Variants in LPP observed in about 807,000 individuals in gnomAD.
The protein encoded by LPP is LIM domain containing preferred translocation partner in lipoma.
In LPP, 38 loss-of-function variants were observed where a neutral mutation model predicts 60.4. That is an observed-to-expected ratio of 0.63 (90% confidence interval 0.49 to 0.83). The LOEUF (loss-of-function observed/expected upper bound fraction) is 0.83, where lower values mean the gene tolerates loss of function less well. Ranked by LOEUF, LPP falls within the 40% of genes least tolerant of loss-of-function variation. The pLI is 0.00. For synonymous variants in LPP, 328 were observed against 290.8 expected, an observed-to-expected ratio of 1.13 and a Z score of -1.30; for missense variants, 902 against 783.6, an observed-to-expected ratio of 1.15 and a Z score of -1.80.
At chr3:188,480,457 C>A (rs1185486914) in intron 4 of LPP, among the ~76,000 whole-genome samples, 2 of 152,140 alleles carry the variant, frequency 1.3e-5, no homozygotes, top group African/African-American at 4.8e-5. Flanking sequence ...TTTGAATAAA[C>A]CATTTTACAT....
rs925239905 is a variant in LPP, at chr3:188,602,051, G to A, written c.430-7110G>A. On this transcript the variant is annotated intron_variant, in intron 6 of 11. Transcript: ENST00000617246. ...CCACTGCACTCCAGCCTGGGTGACA[G>A]AGCAAGACTCTATCTCAAATATATA... Among the ~76,000 whole-genome samples the A allele has an allele frequency of 4.3e-5, 6 of 138,168 alleles. No individual in the cohort carries two copies. The South Asian group carries it at 1.4e-3, about 33-fold the overall frequency. 90.6% of individuals were successfully genotyped at this position (138,168 alleles called of 152,430 possible).
intron 4 of LPP, among the ~76,000 whole-genome samples, chr3:188,475,719 A>G (rs899690277): frequency 6.6e-6 from 1 of 152,028 alleles, no homozygotes; most frequent in African/African-American, 2.4e-5. Flanking sequence ...TGGCTAAAAC[A>G]GTGAAACCCC....
intron 7 of LPP, among the ~76,000 whole-genome samples, chr3:188,686,889 A>G (rs1345257274): frequency 6.6e-6 from 1 of 152,218 alleles, no homozygotes; most frequent in Non-Finnish European, 1.5e-5. Flanking sequence ...GAAGACCTTG[A>G]TATCAAGGAT....
At chr3:188,710,868 C>T (rs1320575411) in intron 8 of LPP, 2 of 152,178 alleles carry the variant, frequency 1.3e-5, no homozygotes, top group African/African-American at 2.4e-5. Context: ...TGTCCAAGCT[C>T]TACTACTTAG....
At chr3:188,570,259 C>G (rs1044073010) in intron 6 of LPP, among the ~76,000 whole-genome samples, 6 of 151,928 alleles carry the variant, frequency 3.9e-5, no homozygotes, top group African/African-American at 1.5e-4. Flanking sequence ...GGCACATAGA[C>G]AAACTATTAA....
intron 8 of LPP, among the ~76,000 whole-genome samples, chr3:188,750,440 G>A (rs62291301): frequency 0.2 from 30,590 of 152,018 alleles, 3,781 homozygotes; most frequent in Middle Eastern, 0.42. Context: ...AGACTAGCCT[G>A]GCCAACATGG....
At chr3:188,614,487 T>C (rs1012454743) in intron 7 of LPP, among the ~76,000 whole-genome samples, 1 of 152,146 alleles carries the variant, frequency 6.6e-6, no homozygotes, top group African/African-American at 2.4e-5. Context: ...GACTGTAATA[T>C]TAGTAATTCC....
intron 6 of LPP, among the ~76,000 whole-genome samples, chr3:188,532,804 T>C (rs1822553554): frequency 6.6e-6 from 1 of 152,230 alleles, no homozygotes; most frequent in Admixed American, 6.5e-5. Context: ...GCTCACACAG[T>C]CATTCCCATT....
At chr3:188,647,316 G>C (rs1851288642) in intron 7 of LPP, among the ~76,000 whole-genome samples, 1 of 152,160 alleles carries the variant, frequency 6.6e-6, no homozygotes, top group African/African-American at 2.4e-5. Flanking sequence ...AAGAGCGTCT[G>C]CTGCGGTGCC....
At chr3:188,588,614 A>G (rs1344385157) in intron 6 of LPP, among the ~76,000 whole-genome samples, 6 of 152,228 alleles carry the variant, frequency 3.9e-5, no homozygotes, top group Admixed American at 3.9e-4. Context: ...CATCTACAAA[A>G]TGAGGATAAT....
At chr3:188,801,182 C>A (rs1018714773) in intron 9 of LPP, among the ~76,000 whole-genome samples, 2 of 152,088 alleles carry the variant, frequency 1.3e-5, no homozygotes, top group African/African-American at 2.4e-5. Context: ...AATGAAGAGC[C>A]CTAGATTTTG....
chr3:188,581,719 T>C (rs541244784), intron 6 of LPP, among the ~76,000 whole-genome samples: 1 of 152,270 alleles, frequency 6.6e-6, no homozygotes, highest in South Asian at 2.1e-4. Flanking sequence ...ATTGCTTCGC[T>C]CTATTTTACC....
intron 2 of LPP, among the ~76,000 whole-genome samples, chr3:188,253,453 A>C (rs1730630794): frequency 6.6e-6 from 1 of 152,044 alleles, no homozygotes; most frequent in African/African-American, 2.4e-5. Context: ...ACTTTTTTCC[A>C]AATGGTTATC....
intron 6 of LPP, among the ~76,000 whole-genome samples, chr3:188,539,409 G>A (rs879057021): frequency 1.3e-5 from 2 of 152,188 alleles, no homozygotes; most frequent in Non-Finnish European, 2.9e-5. Context: ...TGGATAGGGA[G>A]TATTTGCAAG....
intron 7 of LPP, among the ~76,000 whole-genome samples, chr3:188,675,447 T>C (rs1461482055): frequency 1.3e-5 from 2 of 152,216 alleles, no homozygotes; most frequent in Non-Finnish European, 2.9e-5. Flanking sequence ...GGGCTAAGAC[T>C]GTGAATAGCT....
intron 1 of LPP, among the ~76,000 whole-genome samples, chr3:188,188,036 A>G (rs1327505969): frequency 2.0e-5 from 3 of 152,182 alleles, no homozygotes; most frequent in East Asian, 1.9e-4. Context: ...ATATTGTTGA[A>G]TGGGAGTTAT....
chr3:188,728,340 T>G (rs1719177374), intron 8 of LPP, among the ~76,000 whole-genome samples: 1 of 152,194 alleles, frequency 6.6e-6, no homozygotes, highest in South Asian at 2.1e-4. Context: ...AAATGTCACT[T>G]ATAACTATCT....
At chr3:188,251,723 G>C (rs908697414) in intron 2 of LPP, among the ~76,000 whole-genome samples, 2 of 151,804 alleles carry the variant, frequency 1.3e-5, no homozygotes, top group Non-Finnish European at 2.9e-5. Flanking sequence ...ATTGTCAAAC[G>C]CTCTTCAGGG....
intron 9 of LPP, among the ~76,000 whole-genome samples, chr3:188,805,943 T>A (rs993684932): frequency 6.6e-6 from 1 of 151,926 alleles, no homozygotes; most frequent in Non-Finnish European, 1.5e-5. Flanking sequence ...TGAACATGTT[T>A]TGTGTAACTT....
Sources: gnomAD v4.1 joint callset for allele counts (sites outside exome capture counted in the v4.1 genomes callset) on GRCh38, gnomAD v4.1.1 for gene constraint, MANE v1.5 for transcripts, NCBI Gene and HGNC (gene_info 2026-07-23, HGNC 2026-07-21) for gene names.